The following RANBP17 variants were observed in gnomAD, a reference collection of about 807,000 sequenced individuals.
RANBP17 encodes ran-binding protein 17.
A neutral mutation model predicts 141.2 loss-of-function variants in RANBP17; 158 were observed. That is an observed-to-expected ratio of 1.12 (90% CI 0.98 to 1.28). The LOEUF (loss-of-function observed/expected upper bound fraction) is 1.28. Ranked by LOEUF, RANBP17 falls within the 50% of genes most tolerant of loss-of-function variation. The pLI, the probability that RANBP17 is intolerant of heterozygous loss-of-function variation, is 0.00. For missense variants in RANBP17, 1,438 were observed against 1,290.7 expected, an observed-to-expected ratio of 1.11 and a Z score of -1.75; for synonymous variants, 430 against 450.0, an observed-to-expected ratio of 0.96 and a Z score of 0.56.
rs1383267056 is a variant in RANBP17 at position 170,968,301 on chromosome 5, T to A, written c.1634T>A (p.Ile545Lys). 1 of 1,609,002 alleles carries A rather than the reference T, an allele frequency of 6.2e-7. No homozygotes were observed. The highest frequency in any genetic ancestry group is 1.1e-5 in the South Asian group (1 of 90,180). The change falls in exon 14 of 28, where the codon ATA becomes AAA. Residue 545 changes from isoleucine (I) to lysine (K), a missense_variant. By Grantham distance (102) the Ile-to-Lys change is moderately radical (BLOSUM62 -3). Coordinates refer to ENST00000523189, the MANE Select transcript of RANBP17 (RefSeq NM_022897.5). ...TTGCCTCGATGTTGTAATGAGAAAA[T>A]AGAGCTTGCAATTCTGTGGTTCTTG... is the stretch of plus-strand genomic sequence containing the variant. ...TGLPRCCNEK[I>K]ELAILWFLDQ...
At chr5:171,059,530 T>A (rs909255102) in intron 14 of RANBP17, among the ~76,000 whole-genome samples, 1 of 151,442 alleles carries the variant, frequency 6.6e-6, no homozygotes, top group African/African-American at 2.4e-5. Flanking sequence ...TATATCTCTG[T>A]TTTGGTACCA....
intron 1 of RANBP17, among the ~76,000 whole-genome samples, chr5:170,862,656 C>G (rs1030231521): frequency 6.6e-6 from 1 of 151,846 alleles, no homozygotes; most frequent in East Asian, 1.9e-4. Context: ...GGAGGAAACC[C>G]GGGCCGGGCG....
intron 7 of RANBP17, chr5:170,911,343 G>GA (rs948745936): frequency 7.0e-6 from 4 of 575,502 alleles, no homozygotes; most frequent in African/African-American, 1.9e-5. Context: ...TAGGAAAAAA[G>GA]AAAAAACAAG....
chr5:171,031,378 A>G (rs1039932814), intron 14 of RANBP17, among the ~76,000 whole-genome samples: 1 of 151,974 alleles, frequency 6.6e-6, no homozygotes, highest in African/African-American at 2.4e-5. Context: ...GGACTATTCT[A>G]TGTGTTGTTG....
intron 16 of RANBP17, among the ~76,000 whole-genome samples, chr5:171,181,808 C>T (rs865785185): frequency 3.2e-4 from 48 of 152,318 alleles, no homozygotes; most frequent in African/African-American, 1.1e-3. Flanking sequence ...AAGTTGCACA[C>T]GTTGTGTGAA....
intron 14 of RANBP17, among the ~76,000 whole-genome samples, chr5:171,102,572 G>C (rs1198950990): frequency 6.6e-6 from 1 of 151,828 alleles, no homozygotes; most frequent in Admixed American, 6.6e-5. Context: ...TTGTTATTAC[G>C]CACTTTCTGA....
chr5:171,290,133 C>G (rs765717012), intron 25 of RANBP17, among the ~76,000 whole-genome samples: 1 of 151,704 alleles, frequency 6.6e-6, no homozygotes, highest in Non-Finnish European at 1.5e-5. Flanking sequence ...CTTTGGGAGG[C>G]GGAGGCAGGT....
At chr5:171,277,528 G>A (rs1214640492) in intron 25 of RANBP17, among the ~76,000 whole-genome samples, 1 of 149,350 alleles carries the variant, frequency 6.7e-6, no homozygotes, top group Admixed American at 6.7e-5. Flanking sequence ...GAAAACCTCA[G>A]GCTCGAACAG....
intron 14 of RANBP17, among the ~76,000 whole-genome samples, chr5:171,125,944 C>T (rs1451464867): frequency 6.6e-6 from 1 of 152,088 alleles, no homozygotes; most frequent in Non-Finnish European, 1.5e-5. Flanking sequence ...CGCACCACCA[C>T]ACCTGGCTAT....
chr5:170,929,532 C>T (rs191921360), intron 12 of RANBP17, among the ~76,000 whole-genome samples: 1 of 152,120 alleles, frequency 6.6e-6, no homozygotes, highest in East Asian at 1.9e-4. Context: ...ATTGATTTTT[C>T]GATGTTAAAC....
intron 14 of RANBP17, among the ~76,000 whole-genome samples, chr5:171,069,655 T>G (rs1459521633): frequency 6.6e-6 from 1 of 152,232 alleles, no homozygotes; most frequent in African/African-American, 2.4e-5. Context: ...TGTTATAAAA[T>G]AGAGTTTGTG....
At chr5:171,193,092 G>A (rs937624704) in intron 18 of RANBP17, among the ~76,000 whole-genome samples, 27 of 152,290 alleles carry the variant, frequency 1.8e-4, no homozygotes, top group African/African-American at 6.5e-4. Context: ...ACTTGGTTTT[G>A]AATGGTTTAT....
intron 14 of RANBP17, among the ~76,000 whole-genome samples, chr5:171,139,826 T>C (rs1458800554): frequency 2.0e-5 from 3 of 152,220 alleles, no homozygotes; most frequent in Non-Finnish European, 4.4e-5. Context: ...ATTTTGCCTT[T>C]CTGCCTGTTT....
intron 5 of RANBP17, among the ~76,000 whole-genome samples, chr5:170,898,841 A>G (rs940267722): frequency 6.6e-6 from 1 of 151,996 alleles, no homozygotes; most frequent in Non-Finnish European, 1.5e-5. Flanking sequence ...GATGTAGAGC[A>G]TTATTTCTGA....
intron 14 of RANBP17, among the ~76,000 whole-genome samples, chr5:171,022,890 G>A (rs1050342768): frequency 7.9e-5 from 12 of 152,204 alleles, no homozygotes; most frequent in Non-Finnish European, 7.3e-5. Flanking sequence ...CTCTGGGGTT[G>A]GGATGCTAGC....
At chr5:171,016,482 C>T (rs1391066396) in intron 14 of RANBP17, among the ~76,000 whole-genome samples, 1 of 151,842 alleles carries the variant, frequency 6.6e-6, no homozygotes, top group Non-Finnish European at 1.5e-5. Context: ...ACCACCTTGC[C>T]ATTTGTTTTC....
intron 14 of RANBP17, among the ~76,000 whole-genome samples, chr5:171,117,787 C>G (rs1755742407): frequency 1.3e-5 from 2 of 152,192 alleles, no homozygotes; most frequent in South Asian, 2.1e-4. Flanking sequence ...GCCACTGCAC[C>G]TGGCCTCTTT....
Position 170,999,009 on chromosome 5 carries a change from A to G in RANBP17, c.1710+30632A>G, listed in dbSNP as rs1253346251. 5.9e-5 allele frequency among the ~76,000 whole-genome samples: 9 copies of G among 152,252 alleles called. No homozygotes were observed. The East Asian group carries it at 1.3e-3, about 23-fold the overall frequency. ...GATAAATCATCTGCTACTGTGAGGC[A>G]GTTAAAAAAATTTGAGGCTCACTGA... On this transcript the variant is annotated intron_variant, in intron 14 of 27. Transcript: ENST00000523189.
At chr5:171,155,094 A>AAAAAAAAAAAAAAT (rs34090443) in intron 14 of RANBP17, among the ~76,000 whole-genome samples, 3 of 74,984 alleles carry the variant, frequency 4.0e-5, no homozygotes, top group Non-Finnish European at 7.4e-5. Context: ...AAAAAAAAAA[A>AAAAAAAAAAAAAAT]ATATATATAT....
Sources: allele counts gnomAD v4.1 joint callset (sites outside exome capture counted in the v4.1 genomes callset), GRCh38; gene constraint gnomAD v4.1.1; transcripts MANE v1.5; gene names NCBI Gene and HGNC (gene_info 2026-07-23, HGNC 2026-07-21).